The following TOM1L2 variants were observed in gnomAD, a reference collection of about 807,000 sequenced individuals.
The protein encoded by TOM1L2 is TOM1-like protein 2.
In TOM1L2, 31 loss-of-function variants were observed where a neutral mutation model predicts 67.9. The observed-to-expected ratio is 0.46, with a 90% CI of 0.34 to 0.62. The LOEUF (loss-of-function observed/expected upper bound fraction) is 0.62, where lower values mean the gene tolerates loss of function less well. Among genes scored for constraint, TOM1L2 ranks in the 20% least tolerant of loss-of-function variants. The pLI is 0.01. For synonymous variants in TOM1L2, 256 were observed against 254.0 expected, an observed-to-expected ratio of 1.01 and a Z score of -0.07; for missense variants, 606 against 663.5, an observed-to-expected ratio of 0.91 and a Z score of 0.95.
At chr17:17,900,330 GC>G (rs2038789400) in intron 2 of TOM1L2, among the ~76,000 whole-genome samples, 2 of 152,026 alleles carry the variant, frequency 1.3e-5, no homozygotes, top group South Asian at 4.2e-4. Context: ...GACCAGCCTG[GC>G]CAACATGGTG....
intron 10 of TOM1L2, 86 bp from the exon 11 acceptor site, chr17:17,862,934 C>A (rs1418618753): frequency 1.4e-5 from 9 of 652,420 alleles, no homozygotes; most frequent in Non-Finnish European, 2.2e-5. Context: ...AGGACGCCAG[C>A]CAGGTGGGTT....
chr17:17,935,148 A>G (rs1268809639), intron 1 of TOM1L2, among the ~76,000 whole-genome samples: 1 of 152,250 alleles, frequency 6.6e-6, no homozygotes, highest in Non-Finnish European at 1.5e-5. Context: ...TTCCTCAGGA[A>G]GCCTCTGTGG....
At chr17:17,863,224 A>G (rs777032334) in intron 10 of TOM1L2, 31 of 192,572 alleles carry the variant, frequency 1.6e-4, no homozygotes, top group Non-Finnish European at 2.2e-4. Flanking sequence ...TATTCAGCAA[A>G]TATTTCTTAG....
intron 1 of TOM1L2, among the ~76,000 whole-genome samples, chr17:17,908,048 T>C (rs2144422675): frequency 6.6e-6 from 1 of 152,320 alleles, no homozygotes; most frequent in South Asian, 2.1e-4. Context: ...ATTGGGATTA[T>C]TAAAAATCAA....
intron 1 of TOM1L2, among the ~76,000 whole-genome samples, chr17:17,910,705 G>A (rs567639820): frequency 1.3e-5 from 2 of 152,104 alleles, no homozygotes; most frequent in Non-Finnish European, 2.9e-5. Context: ...GAGTAGCTGG[G>A]ATTACAGGCA....
chr17:17,963,253 G>C (rs907149804), intron 1 of TOM1L2, among the ~76,000 whole-genome samples: 16 of 152,128 alleles, frequency 1.1e-4, no homozygotes, highest in African/African-American at 3.9e-4. Context: ...CTCCAATCTA[G>C]AACAAAGAGT....
Position 17,845,799 on chromosome 17 carries a change from T to C in TOM1L2, c.*1836A>G, listed in dbSNP as rs1203043250. On this transcript the variant is annotated 3_prime_UTR_variant, in exon 15 of 15. Transcript: ENST00000379504. ...CAGGGGGGTCTGTCTTTGAGAAACA[T>C]TGAGGAGGCAGGGGCTCATCAAGCA... 1 of 152,446 alleles carries C rather than the reference T, an allele frequency of 6.6e-6. No homozygotes were observed. The highest frequency in any genetic ancestry group is 1.5e-5 in the Non-Finnish European group (1 of 68,136). The allele number at this position is 152,446 out of a possible 1,614,324, so 9.4% of individuals were successfully genotyped here. A position where few individuals can be genotyped will look rare whatever the true frequency, so the allele number is the denominator to read the frequency against.
At chr17:17,858,655 T>A (rs1282235800) in intron 12 of TOM1L2, 1 of 152,320 alleles carries the variant, frequency 6.6e-6, no homozygotes, top group Non-Finnish European at 1.5e-5. Flanking sequence ...CGATCTTGGC[T>A]CACTGCAACC....
chr17:17,906,637 G>A (rs958801322), intron 2 of TOM1L2, among the ~76,000 whole-genome samples: 3 of 152,280 alleles, frequency 2.0e-5, no homozygotes, highest in East Asian at 3.9e-4. Context: ...TTACAATAGG[G>A]CCTGGCACAA....
intron 2 of TOM1L2, among the ~76,000 whole-genome samples, chr17:17,901,112 T>A (rs2038832293): frequency 6.6e-6 from 1 of 152,174 alleles, no homozygotes; most frequent in Non-Finnish European, 1.5e-5. Context: ...TGAAAATTCA[T>A]CCATAGGCTC....
At chr17:17,931,586 T>G (rs2144704693) in intron 1 of TOM1L2, among the ~76,000 whole-genome samples, 1 of 152,190 alleles carries the variant, frequency 6.6e-6, no homozygotes, top group Non-Finnish European at 1.5e-5. Context: ...CAAAATGAGC[T>G]CCTTGAAAGG....
chr17:17,923,416 AAAC>A (rs546461322), intron 1 of TOM1L2, among the ~76,000 whole-genome samples: 40 of 152,054 alleles, frequency 2.6e-4, no homozygotes, highest in Admixed American at 1.1e-3. Context: ...AACAACAACA[AAAC>A]AACAACAACA....
intron 3 of TOM1L2, among the ~76,000 whole-genome samples, chr17:17,894,975 A>ATG (rs1555598777): frequency 0.016 from 2,423 of 147,672 alleles, 22 homozygotes; most frequent in Middle Eastern, 0.021. Flanking sequence ...ATACATACAT[A>ATG]CATGCATGCA....
chr17:17,849,008 G>A (rs549649795), intron 13 of TOM1L2, 149 bp from the exon 14 acceptor site: 2 of 651,530 alleles, frequency 3.1e-6, no homozygotes, highest in East Asian at 2.9e-5. Flanking sequence ...CCAGATTTCT[G>A]TAATAGTAAA....
chr17:17,891,686 A>G (rs1335927136), intron 4 of TOM1L2, among the ~76,000 whole-genome samples: 1 of 152,134 alleles, frequency 6.6e-6, no homozygotes. Flanking sequence ...TTGTTTTCCT[A>G]ACATGAATTC....
At chr17:17,921,323 C>CTAACAAGCTAACA (rs2039859209) in intron 1 of TOM1L2, among the ~76,000 whole-genome samples, 1 of 152,220 alleles carries the variant, frequency 6.6e-6, no homozygotes, top group Non-Finnish European at 1.5e-5. Context: ...GCCACACAGG[C>CTAACAAGCTAACA]CCGAGGCTGC....
intron 1 of TOM1L2, among the ~76,000 whole-genome samples, chr17:17,936,657 TG>T (rs2040525098): frequency 6.6e-6 from 1 of 152,206 alleles, no homozygotes; most frequent in South Asian, 2.1e-4. Flanking sequence ...GGGAATATTA[TG>T]TAGTCATTTA....
At chr17:17,852,122 G>A (rs1312808124) in intron 12 of TOM1L2, among the ~76,000 whole-genome samples, 9 of 150,178 alleles carry the variant, frequency 6.0e-5, no homozygotes, top group Admixed American at 1.3e-4. Context: ...TGCCAGCTCT[G>A]TCTATAGCTG....
intron 8 of TOM1L2, 27 bp downstream of exon 8, chr17:17,869,308 GAAAAA>G (rs34879782): frequency 2.6e-6 from 4 of 1,516,686 alleles, no homozygotes; most frequent in South Asian, 1.2e-5. Context: ...CTTTTCAAGG[GAAAAA>G]AAAAAAAAAA....
Sources: gnomAD v4.1 joint callset for allele counts (sites outside exome capture counted in the v4.1 genomes callset) on GRCh38, gnomAD v4.1.1 for gene constraint, MANE v1.5 for transcripts, NCBI Gene and HGNC (gene_info 2026-07-23, HGNC 2026-07-21) for gene names.